PDE7A: variants seen among roughly 807,000 people sequenced by gnomAD.
PDE7A encodes the protein high affinity 3',5'-cyclic-AMP phosphodiesterase 7A.
PDE7A carries 39 observed loss-of-function variants against 64.3 expected under a neutral mutation model. The observed-to-expected ratio is 0.61, with a 90% CI of 0.47 to 0.79. The LOEUF is 0.79. PDE7A is among the 30% of genes least tolerant of loss of function. The probability of loss-of-function intolerance (pLI) is 0.00; values close to 1 mark genes in which losing one functional copy is unlikely to be tolerated. For missense variants in PDE7A, 470 were observed against 582.8 expected (o/e 0.81, Z 1.99); for synonymous variants, 203 against 206.8 (o/e 0.98, Z 0.16).
At chr8:65,795,393 A>T (rs764923340) in intron 1 of PDE7A, among the ~76,000 whole-genome samples, 61 of 152,346 alleles carry the variant, frequency 4.0e-4, no homozygotes, top group Middle Eastern at 3.4e-3. Flanking sequence ...GCTGAATGCC[A>T]GAGAGGAGGG....
At chr8:65,822,809 T>C (rs974031497) in intron 1 of PDE7A, among the ~76,000 whole-genome samples, 1 of 152,164 alleles carries the variant, frequency 6.6e-6, no homozygotes, top group African/African-American at 2.4e-5. Flanking sequence ...TTTGAAGTGT[T>C]ACAAACATTT....
rs180686841 is a variant in PDE7A at position 65,806,480 on chromosome 8, T to C, written c.139-23637A>G. 3.1e-3 allele frequency among the ~76,000 whole-genome samples: 465 copies of C among 152,354 alleles called. 1 individual carries two copies. Among genetic ancestry groups the C allele is most frequent in the African/African-American group, 0.011 (445 of 41,592 alleles). On this transcript the variant is annotated intron_variant, in intron 1 of 12. Coordinates refer to ENST00000401827, the MANE Select transcript of PDE7A (RefSeq NM_001242318.3). ...GAATAAACTAAAAACCACTGAATCA[T>C]ACACTTAAAAGCGTGAATTTATGGT...
chr8:65,726,543 A>C (rs1212201163), intron 9 of PDE7A, among the ~76,000 whole-genome samples: 1 of 152,128 alleles, frequency 6.6e-6, no homozygotes, highest in Non-Finnish European at 1.5e-5. Context: ...CCTAGACCTT[A>C]AGGTTTTATT....
intron 7 of PDE7A, among the ~76,000 whole-genome samples, chr8:65,728,991 C>T (rs1806722553): frequency 6.6e-6 from 1 of 151,684 alleles, no homozygotes; most frequent in African/African-American, 2.4e-5. Flanking sequence ...AAAAATGTAA[C>T]ATTTCTGCTT....
intron 1 of PDE7A, among the ~76,000 whole-genome samples, chr8:65,819,013 T>C (rs1810478415): frequency 6.6e-6 from 1 of 152,242 alleles, no homozygotes; most frequent in Non-Finnish European, 1.5e-5. Context: ...CCCACTGTTC[T>C]CACTCCAAAT....
intron 9 of PDE7A, 34 bp from the exon 10 acceptor site, chr8:65,724,955 G>A: frequency 7.0e-7 from 1 of 1,424,044 alleles, no homozygotes; most frequent in Non-Finnish European, 9.6e-7. Context: ...GAAAATATAA[G>A]ACTTTCAATT....
Position 65,841,682 on chromosome 8 carries a change from C to G in PDE7A, c.-174G>C, listed in dbSNP as rs1482284123. ...GCCTCCCCAACCCCAGCCCTCCGCT[C>G]GGGCCGCCGGCGGGAAGGCTCCGCG... On this transcript the variant is annotated 5_prime_UTR_variant, in exon 1 of 13. Coordinates refer to ENST00000401827, the MANE Select transcript of PDE7A (RefSeq NM_001242318.3). 5 of 160,702 alleles carry G rather than the reference C, an allele frequency of 3.1e-5. No homozygotes were observed. Among genetic ancestry groups the G allele is most frequent in the African/African-American group, 1.2e-4 (5 of 41,064 alleles). The allele number at this position is 160,702 out of a possible 1,614,324, so 10.0% of individuals were successfully genotyped here.
intron 7 of PDE7A, chr8:65,727,855 C>A (rs16932315): frequency 0.098 from 14,891 of 152,240 alleles, 878 homozygotes; most frequent in African/African-American, 0.17. Flanking sequence ...TAACGGATGG[C>A]TACATTCATA....
intron 5 of PDE7A, 70 bp downstream of exon 5, chr8:65,745,337 A>T: frequency 1.1e-6 from 1 of 886,938 alleles, no homozygotes; most frequent in Non-Finnish European, 1.9e-6. Flanking sequence ...AAAGCAACGC[A>T]CCAGCGGCTG....
At chr8:65,803,915 G>GT (rs1810052476) in intron 1 of PDE7A, among the ~76,000 whole-genome samples, 2 of 152,138 alleles carry the variant, frequency 1.3e-5, no homozygotes, top group Non-Finnish European at 2.9e-5. Flanking sequence ...GAGGCAAGGT[G>GT]TGTGTATATG....
At chr8:65,724,532 A>T (rs1806528551) in intron 10 of PDE7A, among the ~76,000 whole-genome samples, 181 bp from the exon 11 acceptor site, 1 of 152,170 alleles carries the variant, frequency 6.6e-6, no homozygotes, top group Admixed American at 6.6e-5. Context: ...TTGGTACCCT[A>T]ATCTTGTAAA....
At position 65,745,365 on chromosome 8, in the gene PDE7A, T is replaced by C. The variant is rs371456343; in HGVS notation, c.499+42A>G. ...AGCGGCTGCACCATCAATGCAGTAATCTAGACTACATTAACTTGAGCAAGT... is the reference window on the plus strand; with the variant it reads ...AGCGGCTGCACCATCAATGCAGTAACCTAGACTACATTAACTTGAGCAAGT... On this transcript the variant is annotated intron_variant, in intron 5 of 12. Transcript: ENST00000401827. 43 of 1,120,854 alleles carry C rather than the reference T, an allele frequency of 3.8e-5. No homozygotes were observed. The African/African-American group carries it at 6.4e-4, about 17-fold the overall frequency. 69.4% of individuals were successfully genotyped at this position (1,120,854 alleles called of 1,614,324 possible). A position where few individuals can be genotyped will look rare whatever the true frequency, so the allele number is the denominator to read the frequency against.
chr8:65,809,921 T>C (rs1457781843), intron 1 of PDE7A, among the ~76,000 whole-genome samples: 5 of 152,144 alleles, frequency 3.3e-5, no homozygotes, highest in African/African-American at 9.7e-5. Flanking sequence ...AGTTCAACCA[T>C]TGTGGAAGAC....
intron 1 of PDE7A, among the ~76,000 whole-genome samples, chr8:65,784,091 C>A (rs1460727485): frequency 6.6e-6 from 1 of 152,058 alleles, no homozygotes; most frequent in African/African-American, 2.4e-5. Context: ...CACCTGTAAT[C>A]CCAGATACTT....
rs181411349 is a variant in PDE7A at position 65,750,933 on chromosome 8, C to G, written c.284-3130G>C. Among the ~76,000 whole-genome samples the G allele has an allele frequency of 1.3e-4, 20 of 152,280 alleles. 1 individual carries two copies. In the East Asian group the frequency reaches 2.1e-3, roughly 16 times the overall value. ...GACTCACAAGGAAATGATCACTCAT[C>G]ATGGAAGCCCAATGCCTTCTAAGAT... On this transcript the variant is annotated intron_variant, in intron 3 of 12. Coordinates refer to ENST00000401827, the MANE Select transcript of PDE7A (RefSeq NM_001242318.3).
intron 2 of PDE7A, among the ~76,000 whole-genome samples, chr8:65,780,283 T>C (rs968122761): frequency 6.6e-6 from 1 of 152,184 alleles, no homozygotes; most frequent in Non-Finnish European, 1.5e-5. Flanking sequence ...AAAAGGGATA[T>C]GAAAAATGGA....
intron 1 of PDE7A, among the ~76,000 whole-genome samples, chr8:65,826,583 T>C (rs1415595966): frequency 6.6e-6 from 1 of 152,156 alleles, no homozygotes; most frequent in Non-Finnish European, 1.5e-5. Context: ...ACCCCAAGAA[T>C]GAAGGCAGGA....
intron 12 of PDE7A, chr8:65,719,796 A>G: frequency 2.8e-6 from 1 of 360,642 alleles, no homozygotes; most frequent in East Asian, 5.8e-5. Context: ...GCAAAAATAC[A>G]CTGCCCATCT....
intron 12 of PDE7A, among the ~76,000 whole-genome samples, chr8:65,720,207 C>T (rs1806316188): frequency 6.6e-6 from 1 of 152,096 alleles, no homozygotes; most frequent in Non-Finnish European, 1.5e-5. Flanking sequence ...TATAGCACTC[C>T]ACTGCACATT....
Sources: allele counts gnomAD v4.1 joint callset (sites outside exome capture counted in the v4.1 genomes callset), GRCh38; gene constraint gnomAD v4.1.1; transcripts MANE v1.5; gene names NCBI Gene and HGNC (gene_info 2026-07-23, HGNC 2026-07-21).